The following SAMTOR variants were observed in gnomAD, a reference collection of about 807,000 sequenced individuals.
SAMTOR encodes UPF0532 protein C7orf60.
the SAMTOR span, among the ~76,000 whole-genome samples, chr7:112,827,930 G>T: frequency 6.6e-6 from 1 of 152,048 alleles, no homozygotes; most frequent in South Asian, 2.1e-4. Flanking sequence ...GCATAGGCTG[G>T]TCTCAAGCTC....
At chr7:112,836,210 G>A in the SAMTOR span, among the ~76,000 whole-genome samples, 2 of 152,116 alleles carry the variant, frequency 1.3e-5, no homozygotes, top group African/African-American at 4.8e-5. Flanking sequence ...TCTCACTGTG[G>A]TTTTGATTTG....
the SAMTOR span, among the ~76,000 whole-genome samples, chr7:112,853,467 T>C: frequency 1.4e-4 from 22 of 152,196 alleles, no homozygotes; most frequent in Middle Eastern, 3.4e-3. Flanking sequence ...AATAAGGAAA[T>C]ATAGGATTTT....
the SAMTOR span, among the ~76,000 whole-genome samples, chr7:112,844,843 A>G: frequency 6.6e-6 from 1 of 152,190 alleles, no homozygotes; most frequent in Non-Finnish European, 1.5e-5. Context: ...TCCAACTTCA[A>G]ATGATACTAC....
the SAMTOR span, among the ~76,000 whole-genome samples, chr7:112,936,300 T>C: frequency 6.6e-6 from 1 of 152,222 alleles, no homozygotes; most frequent in Non-Finnish European, 1.5e-5. Context: ...ACCATTTCTT[T>C]TTAGTAACTG....
chr7:112,860,544 C>A, the SAMTOR span, among the ~76,000 whole-genome samples: 1 of 152,172 alleles, frequency 6.6e-6, no homozygotes, highest in African/African-American at 2.4e-5. Flanking sequence ...CTAAGTCTCA[C>A]AAAGGAGTAG....
chr7:112,921,884 A>G, the SAMTOR span, among the ~76,000 whole-genome samples: 21 of 151,314 alleles, frequency 1.4e-4, no homozygotes, highest in African/African-American at 4.9e-4. Context: ...CAAAACCACA[A>G]TGAGATACCA....
At chr7:112,913,144 T>C in the SAMTOR span, among the ~76,000 whole-genome samples, 3 of 152,174 alleles carry the variant, frequency 2.0e-5, no homozygotes, top group African/African-American at 7.2e-5. Context: ...AACCATCTTC[T>C]CTCTAGAAAT....
the SAMTOR span, among the ~76,000 whole-genome samples, chr7:112,878,518 C>T: frequency 6.6e-6 from 1 of 152,114 alleles, no homozygotes; most frequent in African/African-American, 2.4e-5. Context: ...TTGATAACAA[C>T]TCTAGGAGTA....
At chr7:112,910,915 A>AG in the SAMTOR span, among the ~76,000 whole-genome samples, 1 of 152,222 alleles carries the variant, frequency 6.6e-6, no homozygotes, top group Non-Finnish European at 1.5e-5. Context: ...CGTATTAAAA[A>AG]GAAATCATGA....
At chr7:112,855,700 T>C in the SAMTOR span, among the ~76,000 whole-genome samples, 1 of 152,180 alleles carries the variant, frequency 6.6e-6, no homozygotes, top group Non-Finnish European at 1.5e-5. Context: ...CCCCTCCTCT[T>C]CTGCTAAATC....
the SAMTOR span, among the ~76,000 whole-genome samples, chr7:112,843,039 T>A: frequency 6.6e-6 from 1 of 152,062 alleles, no homozygotes; most frequent in African/African-American, 2.4e-5. Context: ...AAATAAAACT[T>A]CTTTGCCAAT....
At chr7:112,821,995 G>A in the SAMTOR span, 7 of 1,613,600 alleles carry the variant, frequency 4.3e-6, no homozygotes, top group Non-Finnish European at 5.1e-6. Context: ...GTGGTTTTTA[G>A]AGAGATTTTC....
chr7:112,888,752 T>C, the SAMTOR span, among the ~76,000 whole-genome samples: 1 of 152,188 alleles, frequency 6.6e-6, no homozygotes, highest in Admixed American at 6.5e-5. Flanking sequence ...GAACTTGCTA[T>C]CTAAACTAAA....
chr7:112,825,662 G>T, the SAMTOR span, among the ~76,000 whole-genome samples: 9 of 152,230 alleles, frequency 5.9e-5, no homozygotes, highest in African/African-American at 2.2e-4. Flanking sequence ...TGTGCATGCT[G>T]CTTATTGCTT....
the SAMTOR span, among the ~76,000 whole-genome samples, chr7:112,916,429 A>G: frequency 5.9e-5 from 9 of 152,212 alleles, no homozygotes; most frequent in African/African-American, 1.2e-4. Context: ...TGGGGACAGA[A>G]TAAACTTAAA....
chr7:112,827,398 T>A, the SAMTOR span, among the ~76,000 whole-genome samples: 35 of 152,246 alleles, frequency 2.3e-4, no homozygotes, highest in Admixed American at 2.3e-3. Context: ...AAATTTTTTA[T>A]GATTTTATTA....
the SAMTOR span, among the ~76,000 whole-genome samples, chr7:112,879,407 CTTATTTTTAAAAAACAGGTTT>C: frequency 6.6e-6 from 1 of 151,800 alleles, no homozygotes; most frequent in East Asian, 1.9e-4. Context: ...AGTAGATGGA[CTTATTTTTAAAAAACAGGTTT>C]TTATAGCACA....
the SAMTOR span, among the ~76,000 whole-genome samples, chr7:112,849,626 C>T: frequency 6.6e-6 from 1 of 152,106 alleles, no homozygotes. Context: ...TAGGACTTCC[C>T]GTACTATGTT....
At chr7:112,928,253 T>C in the SAMTOR span, among the ~76,000 whole-genome samples, 5 of 152,022 alleles carry the variant, frequency 3.3e-5, no homozygotes, top group Non-Finnish European at 5.9e-5. Context: ...ATCCCTAAAT[T>C]ATTTATTTAG....
Sources: gnomAD v4.1 joint callset for allele counts (sites outside exome capture counted in the v4.1 genomes callset) on GRCh38, gnomAD v4.1.1 for gene constraint, MANE v1.5 for transcripts, NCBI Gene and HGNC (gene_info 2026-07-23, HGNC 2026-07-21) for gene names.